The following MYO5A variants were observed in gnomAD, a reference collection of about 807,000 sequenced individuals.
MYO5A encodes the protein unconventional myosin-Va.
MYO5A carries 98 observed loss-of-function variants against 249.7 expected under a neutral mutation model. The ratio of observed to expected loss-of-function variants is 0.39; its 90% CI spans 0.33 to 0.46. The LOEUF is 0.46. Ranked by LOEUF, MYO5A falls within the 20% of genes least tolerant of loss-of-function variation. The pLI is 0.98. For synonymous variants in MYO5A, 778 were observed against 810.6 expected (o/e 0.96, Z 0.68); for missense variants, 1,696 against 2,308.8 (o/e 0.73, Z 5.44).
intron 1 of MYO5A, among the ~76,000 whole-genome samples, chr15:52,501,876 T>TACACACACACACACAC (rs10552352): frequency 7.1e-6 from 1 of 140,432 alleles, no homozygotes; most frequent in African/African-American, 2.5e-5. Context: ...ATACATATAC[T>TACACACACACACACAC]ACACACACAC....
intron 5 of MYO5A, among the ~76,000 whole-genome samples, chr15:52,411,545 A>G (rs1208556316): frequency 1.3e-5 from 2 of 152,310 alleles, no homozygotes; most frequent in East Asian, 3.9e-4. Flanking sequence ...AGCAAAAAAA[A>G]AAAAGATGTA....
At chr15:52,331,334 G>C (rs995764849) in intron 34 of MYO5A, among the ~76,000 whole-genome samples, 1 of 151,640 alleles carries the variant, frequency 6.6e-6, no homozygotes, top group Non-Finnish European at 1.5e-5. Context: ...TTATGCTAAA[G>C]GTTAAAAAAA....
At position 52,343,130 on chromosome 15, in the gene MYO5A, T is replaced by G. The variant is rs1270123097; in HGVS notation, c.4027A>C (p.Lys1343Gln). ...GELWLVYEGL[K>Q]QANRLLESQL... is the part of the protein sequence containing the mutation. Reference sequence around the variant, plus strand: ...GACAAATATAACCTGTTGGCTTGTTTTAACCCTTCATAAACCAGCCACAGC... The same window carrying G: ...GACAAATATAACCTGTTGGCTTGTTGTAACCCTTCATAAACCAGCCACAGC... Residue 1343 changes from lysine (K) to glutamine (Q), a missense_variant, in exon 31 of 42, where the codon AAA becomes CAA. By Grantham distance (53) the Lys-to-Gln change is moderately conservative. Transcript: ENST00000399233. The G allele has an allele frequency of 2.5e-6, 4 of 1,612,964 alleles. No individual in the cohort carries two copies. Among genetic ancestry groups the G allele is most frequent in the Non-Finnish European group, 2.5e-6 (3 of 1,178,932 alleles).
At chr15:52,528,671 G>A (rs1595851269) in intron 1 of MYO5A, 109 bp downstream of exon 1, 1 of 1,282,322 alleles carries the variant, frequency 7.8e-7, no homozygotes, top group Admixed American at 2.9e-5. Context: ...AGGGGATGGC[G>A]CTGGTGGGGC....
chr15:52,326,192 G>A (rs924500338), intron 36 of MYO5A, among the ~76,000 whole-genome samples: 1 of 152,202 alleles, frequency 6.6e-6, no homozygotes, highest in Non-Finnish European at 1.5e-5. Context: ...AAAGAGTGTT[G>A]TGTTCTAGTG....
In MYO5A at chr15:52,351,248, G is replaced by T; in HGVS notation, c.3849+6C>A. 1 of 1,612,526 alleles carries T rather than the reference G, an allele frequency of 6.2e-7. No homozygotes were observed. On this transcript the variant is annotated splice_donor_region_variant and intron_variant, in intron 28 of 41. Transcript: ENST00000399233. ...ACACCCAGTTTAATTGTGTGCTTGC[G>T]CTTACCTTGGGTTGGATGGCCTCTT... is the stretch of plus-strand genomic sequence containing the variant.
At chr15:52,363,970 G>A (rs768463127) in intron 24 of MYO5A, among the ~76,000 whole-genome samples, 1 of 152,204 alleles carries the variant, frequency 6.6e-6, no homozygotes, top group Non-Finnish European at 1.5e-5. Flanking sequence ...CGGGCGCAAT[G>A]GCTCATGCCT....
chr15:52,401,074 CT>C (rs61604681), intron 9 of MYO5A, among the ~76,000 whole-genome samples: 2,638 of 135,978 alleles, frequency 0.019, 54 homozygotes, highest in South Asian at 0.06. Flanking sequence ...TTCTCATAAG[CT>C]TTTTTTTTTT....
intron 1 of MYO5A, among the ~76,000 whole-genome samples, chr15:52,478,488 C>T (rs1595759216): frequency 6.6e-6 from 1 of 152,290 alleles, no homozygotes; most frequent in Non-Finnish European, 1.5e-5. Context: ...AGAAATCACT[C>T]GTCTTCTGCG....
In MYO5A at chr15:52,528,703, G is replaced by A; in HGVS notation, c.27+77C>T. 3.5e-6 allele frequency: 5 copies of A among 1,443,928 alleles called. No homozygotes were observed. In the South Asian group the frequency reaches 5.3e-5, roughly 15 times the overall value. 89.4% of individuals were successfully genotyped at this position (1,443,928 alleles called of 1,614,324 possible). A position where few individuals can be genotyped will look rare whatever the true frequency, so the allele number is the denominator to read the frequency against. The stretch of plus-strand genomic sequence containing the variant: ...GGGCTCGCCTGGGCCCGGCGCTCCC[G>A]CCCCCTCCCCAGCCTGACAGCTGGC... On this transcript the variant is annotated intron_variant, in intron 1 of 41. Transcript: ENST00000399233.
rs997503676 is a variant in MYO5A at position 52,434,386 on chromosome 15, T to C, written c.28-1101A>G. 5.3e-5 allele frequency among the ~76,000 whole-genome samples: 8 copies of C among 152,232 alleles called. No individual in the cohort carries two copies. The South Asian group carries it at 1.2e-3, about 24-fold the overall frequency. Reference sequence around the variant, plus strand: ...AGACATCCTTCAGGAGCCATCACAGTAGGGAGAAGAGGAGAATAAAAATAA... The same window carrying C: ...AGACATCCTTCAGGAGCCATCACAGCAGGGAGAAGAGGAGAATAAAAATAA... On this transcript the variant is annotated intron_variant, in intron 1 of 41. Transcript: ENST00000399233.
In MYO5A at chr15:52,370,281, A is replaced by C; in HGVS notation, c.2954T>G (p.Val985Gly). Residue 985 changes from valine to glycine, a missense_variant, in exon 22 of 42, where the codon GTC becomes GGC. Physicochemically the swap from Val to Gly is moderately radical, Grantham distance 109. Coordinates refer to ENST00000399233, the MANE Select transcript of MYO5A (RefSeq NM_001382347.1). ...EEEAKVATGR[V>G]LSLQEEIAKL... ...GGCAATTTCTTCCTGCAGACTAAGG[A>C]CCCGCCCAGTGGCAACTTTCGCTTC... 6.2e-7 allele frequency: 1 copy of C among 1,613,998 alleles called. No homozygotes were observed. Among genetic ancestry groups the C allele is most frequent in the Non-Finnish European group, 8.5e-7 (1 of 1,179,964 alleles).
In MYO5A at chr15:52,416,143, A is replaced by C. The variant is rs1262300944; in HGVS notation, c.612+2T>G. 1 of 1,613,766 alleles carries C rather than the reference A, an allele frequency of 6.2e-7. No individual in the cohort carries two copies. Among genetic ancestry groups the C allele is most frequent in the Non-Finnish European group, 8.5e-7 (1 of 1,179,860 alleles). ...AAGAAAGCCGAAGACTCGCTGTCTT[A>C]CCTCCATGATGGGGTTGGAGGCCAA... On this transcript the variant is annotated splice_donor_variant, in intron 5 of 41. Transcript: ENST00000399233. LOFTEE classifies it high-confidence loss of function.
chr15:52,376,612 TA>T, intron 18 of MYO5A, 54 bp from the exon 19 acceptor site: 1 of 1,524,040 alleles, frequency 6.6e-7, no homozygotes. Context: ...AAGTGAAATT[TA>T]AAAGAAAAAA....
intron 1 of MYO5A, among the ~76,000 whole-genome samples, chr15:52,472,697 T>C (rs1448008284): frequency 1.3e-5 from 2 of 152,154 alleles, no homozygotes; most frequent in Non-Finnish European, 2.9e-5. Context: ...CCAGCTTCAC[T>C]GATGACCTTA....
At chr15:52,434,444 T>TA (rs2075617756) in intron 1 of MYO5A, among the ~76,000 whole-genome samples, 1 of 152,188 alleles carries the variant, frequency 6.6e-6, no homozygotes, top group Non-Finnish European at 1.5e-5. Context: ...ACACGGTTGT[T>TA]CAGCATTTTG....
intron 1 of MYO5A, among the ~76,000 whole-genome samples, chr15:52,485,709 A>G (rs1424044808): frequency 6.6e-6 from 1 of 152,206 alleles, no homozygotes; most frequent in African/African-American, 2.4e-5. Flanking sequence ...TAAAAAAGAT[A>G]ATAACATAAA....
At chr15:52,317,882 G>A (rs1233739057) in intron 39 of MYO5A, among the ~76,000 whole-genome samples, 1 of 152,220 alleles carries the variant, frequency 6.6e-6, no homozygotes, top group Non-Finnish European at 1.5e-5. Context: ...TAAGACTGAG[G>A]TCAATAGACA....
chr15:52,439,770 G>GGA (rs1239196621), intron 1 of MYO5A, among the ~76,000 whole-genome samples: 1 of 152,006 alleles, frequency 6.6e-6, no homozygotes, highest in Non-Finnish European at 1.5e-5. Context: ...GAAACTGGTA[G>GGA]GAGAAGGAAA....
Sources: allele counts gnomAD v4.1 joint callset (sites outside exome capture counted in the v4.1 genomes callset), GRCh38; gene constraint gnomAD v4.1.1; transcripts MANE v1.5; gene names NCBI Gene and HGNC (gene_info 2026-07-23, HGNC 2026-07-21).